Variants in MBOAT1 observed in about 807,000 individuals in gnomAD.
The protein encoded by MBOAT1 is membrane bound glycerophospholipid O-acyltransferase 1.
In MBOAT1, 67 loss-of-function variants were observed where a neutral mutation model predicts 64.4. The observed-to-expected ratio is 1.04, with a 90% CI of 0.85 to 1.27. The LOEUF is 1.27. Among genes scored for constraint, MBOAT1 ranks in the 50% most tolerant of loss-of-function variants. The pLI, the probability that MBOAT1 is intolerant of heterozygous loss-of-function variation, is 0.00. For synonymous variants in MBOAT1, 229 were observed against 218.9 expected, an observed-to-expected ratio of 1.05 and a Z score of -0.41; for missense variants, 563 against 604.6, an observed-to-expected ratio of 0.93 and a Z score of 0.72.
intron 2 of MBOAT1, 40 bp from the exon 3 acceptor site, chr6:20,151,302 T>C (rs760620934): frequency 9.7e-6 from 14 of 1,444,078 alleles, no homozygotes; most frequent in Non-Finnish European, 1.3e-5. Flanking sequence ...AATGAATATA[T>C]TTCATATTAA....
intron 7 of MBOAT1, 133 bp from the exon 8 acceptor site, chr6:20,124,733 A>G: frequency 1.4e-6 from 1 of 734,918 alleles, no homozygotes; most frequent in Admixed American, 2.8e-5. Context: ...GAGTGACAAC[A>G]GGCATTCTTC....
chr6:20,127,232 A>G (rs576004167), intron 6 of MBOAT1, among the ~76,000 whole-genome samples: 1 of 152,354 alleles, frequency 6.6e-6, no homozygotes, highest in East Asian at 1.9e-4. Flanking sequence ...GTTCCTGAGT[A>G]ACAGACCAAG....
At chr6:20,193,316 T>C (rs540950419) in intron 1 of MBOAT1, among the ~76,000 whole-genome samples, 2 of 152,130 alleles carry the variant, frequency 1.3e-5, no homozygotes, top group East Asian at 3.9e-4. Context: ...TATAATTTCT[T>C]ATAAGCAGAT....
At chr6:20,156,560 A>T (rs1444419287) in intron 1 of MBOAT1, among the ~76,000 whole-genome samples, 1 of 152,226 alleles carries the variant, frequency 6.6e-6, no homozygotes, top group Non-Finnish European at 1.5e-5. Flanking sequence ...TTCAGTGACC[A>T]CACGTGTACA....
At chr6:20,141,767 C>T (rs911289157) in intron 4 of MBOAT1, among the ~76,000 whole-genome samples, 2 of 152,016 alleles carry the variant, frequency 1.3e-5, no homozygotes, top group Non-Finnish European at 2.9e-5. Flanking sequence ...GTCAGGAAGG[C>T]GTTGCAGGCT....
At chr6:20,111,883 T>TATATACATATATATATAC (rs1554115586) in intron 11 of MBOAT1, among the ~76,000 whole-genome samples, 48 of 140,124 alleles carry the variant, frequency 3.4e-4, no homozygotes, top group Middle Eastern at 3.6e-3. Context: ...TATATATGTA[T>TATATACATATATATATAC]ATATATATAT....
intron 1 of MBOAT1, among the ~76,000 whole-genome samples, chr6:20,175,630 CT>C (rs113100366): frequency 0.029 from 4,076 of 140,238 alleles, 65 homozygotes; most frequent in South Asian, 0.048. Context: ...TTCTTTCTTT[CT>C]TTTTTTTTTT....
rs926782450 is a variant in MBOAT1 at position 20,101,412 on chromosome 6, A to G, written c.*874T>C. Among the ~76,000 whole-genome samples the G allele has an allele frequency of 2.0e-4, 30 of 152,310 alleles. No individual in the cohort carries two copies. The highest frequency in any genetic ancestry group is 7.2e-4 in the African/African-American group (30 of 41,570). Reference sequence around the variant, plus strand: ...GGCATGCCTGACTTTCAGTCCATGCACTAGTCCTCTTGGCTCGTAGAGTTT... The same window carrying G: ...GGCATGCCTGACTTTCAGTCCATGCGCTAGTCCTCTTGGCTCGTAGAGTTT... On this transcript the variant is annotated 3_prime_UTR_variant, in exon 13 of 13. Transcript: ENST00000324607.
intron 1 of MBOAT1, among the ~76,000 whole-genome samples, chr6:20,211,418 T>C (rs2113783458): frequency 6.6e-6 from 1 of 152,246 alleles, no homozygotes; most frequent in African/African-American, 2.4e-5. Context: ...AGGAAATGAG[T>C]AAGACGGGCT....
chr6:20,167,775 C>T (rs1295319822), intron 1 of MBOAT1, among the ~76,000 whole-genome samples: 1 of 152,186 alleles, frequency 6.6e-6, no homozygotes, highest in Non-Finnish European at 1.5e-5. Context: ...AAAATAGGAA[C>T]CATGCAACTA....
intron 1 of MBOAT1, among the ~76,000 whole-genome samples, chr6:20,188,062 T>C (rs1325071227): frequency 1.3e-5 from 2 of 152,138 alleles, no homozygotes; most frequent in Non-Finnish European, 2.9e-5. Flanking sequence ...CAGCACTATA[T>C]GGATCATGTG....
At chr6:20,105,473 C>G (rs1488600943) in intron 12 of MBOAT1, among the ~76,000 whole-genome samples, 1 of 152,170 alleles carries the variant, frequency 6.6e-6, no homozygotes, top group Admixed American at 6.5e-5. Flanking sequence ...TACGCAAATT[C>G]TAACGTTCTG....
chr6:20,194,958 CTT>C (rs112261364), intron 1 of MBOAT1, among the ~76,000 whole-genome samples: 14 of 146,494 alleles, frequency 9.6e-5, no homozygotes, highest in African/African-American at 2.7e-4. Flanking sequence ...ATAATCTAGA[CTT>C]TTTTTTTTTT....
intron 9 of MBOAT1, among the ~76,000 whole-genome samples, chr6:20,117,190 T>C (rs527464654): frequency 7.2e-5 from 11 of 152,196 alleles, no homozygotes; most frequent in Admixed American, 6.5e-4. Context: ...ACCTTGCCCA[T>C]GCTCCTACAG....
At chr6:20,140,198 G>T (rs1377565787) in intron 4 of MBOAT1, among the ~76,000 whole-genome samples, 1 of 152,148 alleles carries the variant, frequency 6.6e-6, no homozygotes, top group Non-Finnish European at 1.5e-5. Context: ...AATCCTTTCA[G>T]CATTCTCACT....
At chr6:20,159,094 A>G (rs1761774873) in intron 1 of MBOAT1, among the ~76,000 whole-genome samples, 1 of 152,198 alleles carries the variant, frequency 6.6e-6, no homozygotes, top group Non-Finnish European at 1.5e-5. Flanking sequence ...AACTGAAATC[A>G]GTATGTTGAA....
chr6:20,163,071 C>T (rs749707399), intron 1 of MBOAT1, among the ~76,000 whole-genome samples: 3 of 152,236 alleles, frequency 2.0e-5, no homozygotes, highest in African/African-American at 7.2e-5. Flanking sequence ...CCTTTAAAAA[C>T]TTACTCCAAT....
chr6:20,179,539 T>G (rs1381156718), intron 1 of MBOAT1, among the ~76,000 whole-genome samples: 1 of 152,242 alleles, frequency 6.6e-6, no homozygotes, highest in Non-Finnish European at 1.5e-5. Flanking sequence ...TACCACATTT[T>G]CTTTATCCAG....
chr6:20,151,069 C>T (rs1489697704), intron 3 of MBOAT1, 116 bp downstream of exon 3: 19 of 702,046 alleles, frequency 2.7e-5, no homozygotes, highest in Admixed American at 5.0e-5. Context: ...TCTAGATAAA[C>T]TAAGATATAC....
Sources: gnomAD v4.1 joint callset for allele counts (sites outside exome capture counted in the v4.1 genomes callset) on GRCh38, gnomAD v4.1.1 for gene constraint, MANE v1.5 for transcripts, NCBI Gene and HGNC (gene_info 2026-07-23, HGNC 2026-07-21) for gene names.